CELF5: variants seen among roughly 807,000 people sequenced by gnomAD.
CELF5 encodes the protein CUGBP Elav-like family member 5.
CELF5 carries 6 observed loss-of-function variants against 54.9 expected under a neutral mutation model. The ratio of observed to expected loss-of-function variants is 0.11; its 90% confidence interval spans 0.06 to 0.22. The LOEUF (loss-of-function observed/expected upper bound fraction) is 0.22. Ranked by LOEUF, CELF5 falls within the 10% of genes least tolerant of loss-of-function variation. The probability of loss-of-function intolerance (pLI) is 1.00; values close to 1 mark genes in which losing one functional copy is unlikely to be tolerated. For missense variants in CELF5, 401 were observed against 678.6 expected (o/e 0.59, Z 4.54); for synonymous variants, 271 against 290.9 (o/e 0.93, Z 0.70).
intron 11 of CELF5, 74 bp downstream of exon 11, chr19:3,290,448 TG>T (rs1199744027): frequency 1.3e-6 from 2 of 1,564,614 alleles, no homozygotes; most frequent in Non-Finnish European, 1.8e-6. Context: ...GGGAGGGTTT[TG>T]GTCGGCCTCG....
At chr19:3,259,401 G>A (rs1257368209) in intron 2 of CELF5, among the ~76,000 whole-genome samples, 1 of 151,892 alleles carries the variant, frequency 6.6e-6, no homozygotes, top group African/African-American at 2.4e-5. Flanking sequence ...TGCCCAGGAC[G>A]GCCCCACCCC....
At chr19:3,264,164 C>A (rs2079847859) in intron 2 of CELF5, among the ~76,000 whole-genome samples, 1 of 151,930 alleles carries the variant, frequency 6.6e-6, no homozygotes, top group South Asian at 2.1e-4. Flanking sequence ...ATTCCAGCTA[C>A]TCAGTAGGCT....
intron 1 of CELF5, among the ~76,000 whole-genome samples, chr19:3,250,282 A>C (rs2079630517): frequency 6.6e-6 from 1 of 152,126 alleles, no homozygotes; most frequent in Admixed American, 6.6e-5. Context: ...AGGTCAGGAG[A>C]TCGAGACCAT....
rs998450996 is a variant in CELF5 at position 3,282,052 on chromosome 19, G to A, written c.751-74G>A. 1.3e-6 allele frequency: 2 copies of A among 1,561,324 alleles called. No homozygotes were observed. Among genetic ancestry groups the A allele is most frequent in the South Asian group, 1.1e-5 (1 of 89,286 alleles). ...CCTGACCTCCTCACTAGTAACTGGG[G>A]TACCAAGCCTCCCCTCATAAGCCAT... On this transcript the variant is annotated intron_variant, in intron 6 of 12. Coordinates refer to ENST00000292672, the MANE Select transcript of CELF5 (RefSeq NM_021938.4). The surrounding 1 kb of genome is among the most constrained non-coding windows in gnomAD (Gnocchi z 5.2).
chr19:3,248,922 CTTT>C (rs1415769936), intron 1 of CELF5, among the ~76,000 whole-genome samples: 31 of 119,202 alleles, frequency 2.6e-4, no homozygotes, highest in African/African-American at 5.9e-4. Flanking sequence ...TTCTTTCTTT[CTTT>C]CTTTTCTTTT....
At chr19:3,294,733 CAG>C (rs1174438583) in intron 12 of CELF5, 3 of 152,052 alleles carry the variant, frequency 2.0e-5, no homozygotes, top group Non-Finnish European at 2.9e-5. Flanking sequence ...GGATGGAGGA[CAG>C]GGGAGAAACC....
At chr19:3,254,135 G>T (rs769857153) in intron 2 of CELF5, among the ~76,000 whole-genome samples, 81 of 152,258 alleles carry the variant, frequency 5.3e-4, no homozygotes, top group Non-Finnish European at 9.3e-4. Flanking sequence ...TCCTGGATCT[G>T]AGTCCACTTT....
intron 1 of CELF5, 82 bp downstream of exon 1, chr19:3,225,080 A>C (rs1411693372): frequency 3.1e-5 from 25 of 807,256 alleles, no homozygotes; most frequent in East Asian, 8.3e-5. Flanking sequence ...CCCCATCACC[A>C]TCCCTCCTCT....
Position 3,268,669 on chromosome 19 carries a change from G to A in CELF5, c.343-5203G>A, listed in dbSNP as rs1352521549. 6.6e-6 allele frequency among the ~76,000 whole-genome samples: 1 copy of A among 152,138 alleles called. No homozygotes were observed. Among genetic ancestry groups the A allele is most frequent in the Non-Finnish European group, 1.5e-5 (1 of 68,020 alleles). The stretch of plus-strand genomic sequence containing the variant: ...TGGGCTAAGGGTCTTGGTGGGGAAC[G>A]GAGGGTCACAAAGCCCAGTGCCCTT... On this transcript the variant is annotated intron_variant, in intron 2 of 12. Coordinates refer to ENST00000292672, the MANE Select transcript of CELF5 (RefSeq NM_021938.4). The surrounding 1 kb of genome is among the most constrained non-coding windows in gnomAD (Gnocchi z 4.4).
At chr19:3,261,856 G>T (rs1438079522) in intron 2 of CELF5, among the ~76,000 whole-genome samples, 1 of 152,042 alleles carries the variant, frequency 6.6e-6, no homozygotes, top group Non-Finnish European at 1.5e-5. Context: ...GAGGGGCCCA[G>T]AATGGACTGA....
intron 12 of CELF5, chr19:3,295,623 CA>C (rs1156737541): frequency 6.6e-6 from 1 of 152,106 alleles, no homozygotes; most frequent in African/African-American, 2.4e-5. Flanking sequence ...TGGCACCCCC[CA>C]CCACCAATTC....
intron 1 of CELF5, among the ~76,000 whole-genome samples, chr19:3,236,523 C>T (rs529025030): frequency 1.3e-5 from 2 of 151,986 alleles, no homozygotes; most frequent in East Asian, 1.9e-4. Context: ...GCAGGGGGTT[C>T]GGGATCAAAG....
At chr19:3,269,667 G>C (rs1478729603) in intron 2 of CELF5, among the ~76,000 whole-genome samples, 4 of 152,186 alleles carry the variant, frequency 2.6e-5, no homozygotes, top group Non-Finnish European at 5.9e-5. Flanking sequence ...GCCAGCCAGT[G>C]CAAGCCCACC....
At chr19:3,291,347 C>G (rs189994988) in intron 11 of CELF5, among the ~76,000 whole-genome samples, 2 of 151,852 alleles carry the variant, frequency 1.3e-5, no homozygotes, top group Non-Finnish European at 2.9e-5. Flanking sequence ...GGGTGGTTCA[C>G]GAGGTCAGAA....
At chr19:3,234,861 C>T (rs1917446052) in intron 1 of CELF5, among the ~76,000 whole-genome samples, 1 of 152,116 alleles carries the variant, frequency 6.6e-6, no homozygotes, top group Non-Finnish European at 1.5e-5. Flanking sequence ...CAGTGCAGTC[C>T]CTGTGCCCTT....
Position 3,281,619 on chromosome 19 carries a change from C to G in CELF5, c.750+274C>G, listed in dbSNP as rs369766864. Reference sequence around the variant, plus strand: ...ATTAGGCCCAATTCTGGCTGAACCTCCAAATCCAGACTGATCCCAAACTGA... The same window carrying G: ...ATTAGGCCCAATTCTGGCTGAACCTGCAAATCCAGACTGATCCCAAACTGA... On this transcript the variant is annotated intron_variant, in intron 6 of 12. Transcript: ENST00000292672. This position sits in a 1 kb window ranked among gnomAD's most constrained non-coding sequence, Gnocchi z 6.5. Among the ~76,000 whole-genome samples the G allele has an allele frequency of 8.5e-5, 13 of 152,162 alleles. No individual in the cohort carries two copies. Among genetic ancestry groups the G allele is most frequent in the African/African-American group, 2.9e-4 (12 of 41,452 alleles).
Position 3,293,436 on chromosome 19 carries a change from A to G in CELF5, c.1448A>G (p.His483Arg). 1 of 1,613,820 alleles carries G rather than the reference A, an allele frequency of 6.2e-7. No homozygotes were observed. Among genetic ancestry groups the G allele is most frequent in the Non-Finnish European group, 8.5e-7 (1 of 1,179,874 alleles). Residue 483 changes from histidine (H) to arginine (R), a missense_variant, in exon 12 of 13, where the codon CAC becomes CGC. Around this residue, in one of 6 missense-constraint regions of CELF5, gnomAD observed 59 missense variants for 128.8 expected, o/e 0.46. Transcript: ENST00000292672. The part of the protein sequence containing the change: ...VQLKRPKDPG[H>R]PY ...CTGAAGCGGCCCAAAGACCCGGGACACCCCTACTGACCGCGCCCACAGCCG... is the reference window on the plus strand; with the variant it reads ...CTGAAGCGGCCCAAAGACCCGGGACGCCCCTACTGACCGCGCCCACAGCCG...
intron 1 of CELF5, among the ~76,000 whole-genome samples, chr19:3,226,417 C>T (rs985423163): frequency 2.2e-5 from 3 of 133,778 alleles, no homozygotes; most frequent in African/African-American, 8.5e-5. Flanking sequence ...TCCCCATTCC[C>T]CATCTCTTTT....
At chr19:3,230,649 A>T (rs928934574) in intron 1 of CELF5, among the ~76,000 whole-genome samples, 7 of 152,094 alleles carry the variant, frequency 4.6e-5, no homozygotes. Flanking sequence ...AGCAGGGAGG[A>T]ACTCAGGCAG....
Sources: gnomAD v4.1 joint callset for allele counts (sites outside exome capture counted in the v4.1 genomes callset) on GRCh38, gnomAD v4.1.1 for gene constraint, gnomAD v4.1.1 regional missense constraint, Gnocchi (gnomAD v3.1) non-coding constraint, MANE v1.5 for transcripts, NCBI Gene and HGNC (gene_info 2026-07-23, HGNC 2026-07-21) for gene names.